The following TAF4B variants were observed in gnomAD, a reference collection of about 807,000 sequenced individuals.
TAF4B encodes TATA-box binding protein associated factor 4b.
TAF4B carries 38 observed loss-of-function variants against 86.4 expected under a neutral mutation model. The ratio of observed to expected loss-of-function variants is 0.44; its 90% confidence interval spans 0.34 to 0.58. The LOEUF is 0.58. Ranked by LOEUF, TAF4B falls within the 20% of genes least tolerant of loss-of-function variation. TAF4B has a pLI of 0.02. For missense variants in TAF4B, 988 were observed against 1,027.6 expected, an observed-to-expected ratio of 0.96 and a Z score of 0.53; for synonymous variants, 388 against 391.2, an observed-to-expected ratio of 0.99 and a Z score of 0.10.
At chr18:26,311,491 A>T (rs1415588513) in intron 9 of TAF4B, among the ~76,000 whole-genome samples, 1 of 152,018 alleles carries the variant, frequency 6.6e-6, no homozygotes, top group Non-Finnish European at 1.5e-5. Flanking sequence ...TACAAAAATT[A>T]GCCAGGCGTG....
intron 2 of TAF4B, 60 bp from the exon 3 acceptor site, chr18:26,267,456 C>A: frequency 1.8e-6 from 2 of 1,136,086 alleles, no homozygotes; most frequent in Non-Finnish European, 2.7e-6. Context: ...CACTGCAGTA[C>A]TGATCTTAAA....
At position 26,390,249 on chromosome 18, in the gene TAF4B, A is replaced by G. The variant is rs1440107866; in HGVS notation, c.*237A>G. On this transcript the variant is annotated 3_prime_UTR_variant, in exon 15 of 15. Transcript: ENST00000269142. ...AAATACACTTTGCACAGAATTAGGC[A>G]TCTGCCTATCTGTGCATTAAATTAA... 2 of 399,390 alleles carry G rather than the reference A, an allele frequency of 5.0e-6. No homozygotes were observed. The highest frequency in any genetic ancestry group is 2.1e-5 in the African/African-American group (1 of 48,480). The allele number at this position is 399,390 out of a possible 1,614,324, so 24.7% of individuals were successfully genotyped here.
rs1167569938 is a variant in TAF4B at position 26,285,224 on chromosome 18, T to TTTTTTTTTTTGTTTTTTTTTTTTTTG, written c.973-648_973-647insGTTTTTTTTTTTTTTGTTTTTTTTTT. Among the ~76,000 whole-genome samples the TTTTTTTTTTTGTTTTTTTTTTTTTTG allele has an allele frequency of 1.8e-3, 218 of 122,770 alleles. 35 individuals carry two copies. Among genetic ancestry groups the TTTTTTTTTTTGTTTTTTTTTTTTTTG allele is most frequent in the Non-Finnish European group, 3.1e-3 (169 of 55,374 alleles). The allele number at this position is 122,770 out of a possible 152,430, so 80.5% of individuals were successfully genotyped here. The stretch of plus-strand genomic sequence containing the variant: ...TTCTTCCTTTCCTTTTTTTTTTTGT[T>TTTTTTTTTTTGTTTTTTTTTTTTTTG]TTTTTTTTTTTTGGAGATGGGGTCT... On this transcript the variant is annotated intron_variant, in intron 6 of 14. Transcript: ENST00000269142.
chr18:26,301,451 T>C, intron 9 of TAF4B, among the ~76,000 whole-genome samples: 1 of 152,080 alleles, frequency 6.6e-6, no homozygotes, highest in East Asian at 1.9e-4. Context: ...TATGCCTAGC[T>C]AGCTTTTTTT....
chr18:26,272,802 G>A (rs867879166), intron 3 of TAF4B, among the ~76,000 whole-genome samples: 21 of 152,208 alleles, frequency 1.4e-4, no homozygotes, highest in Middle Eastern at 3.4e-3. Context: ...ATCTCCACAA[G>A]AATTCAGAAG....
chr18:26,228,825 G>A (rs554023019), intron 1 of TAF4B, among the ~76,000 whole-genome samples: 20 of 152,198 alleles, frequency 1.3e-4, no homozygotes, highest in African/African-American at 4.3e-4. Flanking sequence ...TTGCTGGTAA[G>A]TGAGAGTGAA....
chr18:26,336,542 C>T (rs1324488856), intron 13 of TAF4B, among the ~76,000 whole-genome samples: 2 of 151,832 alleles, frequency 1.3e-5, no homozygotes, highest in African/African-American at 4.8e-5. Context: ...AGGGAGAACA[C>T]TTTAAAAAAA....
In TAF4B at chr18:26,315,146, GTCTCTCTCTC is replaced by G. The variant is rs1212422063; in HGVS notation, c.1833-76_1833-67del. 1.3e-3 allele frequency: 198 copies of G among 152,002 alleles called. 1 individual carries two copies. The highest frequency in any genetic ancestry group is 2.2e-3 in the Middle Eastern group (1 of 462). The allele number at this position is 152,002 out of a possible 1,614,324, so 9.4% of individuals were successfully genotyped here. ...TCTCTCTCTCTCTCTCTCTCTCTCTGTCTCTCTCTCTCTCTCACACACACACACACACACA... is the reference window on the plus strand; with the variant it reads ...TCTCTCTCTCTCTCTCTCTCTCTCTGTCTCTCACACACACACACACACACA... On this transcript the variant is annotated intron_variant, in intron 9 of 14. Coordinates refer to ENST00000269142, the MANE Select transcript of TAF4B (RefSeq NM_005640.3).
At chr18:26,315,136 C>CTCTCTCTCTCTG (rs2144664728) in intron 9 of TAF4B, 93 bp from the exon 10 acceptor site, 2 of 310,510 alleles carry the variant, frequency 6.4e-6, no homozygotes, top group East Asian at 1.1e-4. Context: ...CTCTCTCTCT[C>CTCTCTCTCTCTG]TCTCTCTCTG....
At chr18:26,301,292 GTTT>G (rs373495502) in intron 9 of TAF4B, among the ~76,000 whole-genome samples, 4 of 143,332 alleles carry the variant, frequency 2.8e-5, no homozygotes, top group Non-Finnish European at 6.1e-5. Flanking sequence ...TGTTGTTGTT[GTTT>G]TTTTTTTTTT....
intron 12 of TAF4B, among the ~76,000 whole-genome samples, chr18:26,331,465 C>A (rs552787208): frequency 0.021 from 3,228 of 152,148 alleles, 95 homozygotes; most frequent in African/African-American, 0.073. Context: ...GGACTCATAC[C>A]ATTAACTCCC....
chr18:26,283,388 G>A (rs886552348), intron 6 of TAF4B, among the ~76,000 whole-genome samples: 1 of 152,078 alleles, frequency 6.6e-6, no homozygotes, highest in African/African-American at 2.4e-5. Context: ...TCTGGGTGAC[G>A]AGGTGTATTG....
At chr18:26,232,151 C>T (rs927606501) in intron 1 of TAF4B, among the ~76,000 whole-genome samples, 5 of 152,172 alleles carry the variant, frequency 3.3e-5, no homozygotes, top group Admixed American at 6.5e-5. Flanking sequence ...ACAATCCTCT[C>T]GTAAGACAGA....
intron 11 of TAF4B, among the ~76,000 whole-genome samples, chr18:26,325,905 A>T (rs1226399095): frequency 2.0e-5 from 3 of 152,208 alleles, no homozygotes; most frequent in Non-Finnish European, 2.9e-5. Flanking sequence ...GATCTAGTTA[A>T]ATACCAACAA....
In TAF4B at chr18:26,335,168, T is replaced by C. The variant is rs1459312333; in HGVS notation, c.2260-7T>C. 3.1e-6 allele frequency: 5 copies of C among 1,609,898 alleles called. No individual in the cohort carries two copies. The highest frequency in any genetic ancestry group is 1.7e-4 in the Middle Eastern group (1 of 6,060). Reference sequence around the variant, plus strand: ...ATTTCTATTAAAATTTTCTTTTCCTTTGATAGAGTCGTTCTAATAAAGAAG... The same window carrying C: ...ATTTCTATTAAAATTTTCTTTTCCTCTGATAGAGTCGTTCTAATAAAGAAG... On this transcript the variant is annotated splice_polypyrimidine_tract_variant and splice_region_variant and intron_variant, in intron 12 of 14. Coordinates refer to ENST00000269142, the MANE Select transcript of TAF4B (RefSeq NM_005640.3).
At chr18:26,276,638 G>C (rs1277510135) in intron 5 of TAF4B, among the ~76,000 whole-genome samples, 3 of 152,164 alleles carry the variant, frequency 2.0e-5, no homozygotes, top group Non-Finnish European at 4.4e-5. Flanking sequence ...CATTTGGGAA[G>C]ATGTTTTTAT....
At chr18:26,342,066 A>G (rs1324875046) in intron 13 of TAF4B, among the ~76,000 whole-genome samples, 1 of 152,162 alleles carries the variant, frequency 6.6e-6, no homozygotes, top group Non-Finnish European at 1.5e-5. Flanking sequence ...TTAAATTTTT[A>G]CTATTTAAAA....
intron 13 of TAF4B, among the ~76,000 whole-genome samples, chr18:26,346,685 G>A (rs2144715551): frequency 7.0e-6 from 1 of 143,008 alleles, no homozygotes; most frequent in East Asian, 2.1e-4. Flanking sequence ...GAGAGAATGG[G>A]ATAATATATT....
At chr18:26,368,405 C>CTAA (rs1276440676) in intron 14 of TAF4B, among the ~76,000 whole-genome samples, 1 of 152,170 alleles carries the variant, frequency 6.6e-6, no homozygotes, top group Non-Finnish European at 1.5e-5. Flanking sequence ...GTTGCTGTTA[C>CTAA]AGGTGATTCT....
Sources: gnomAD v4.1 joint callset for allele counts (sites outside exome capture counted in the v4.1 genomes callset) on GRCh38, gnomAD v4.1.1 for gene constraint, MANE v1.5 for transcripts, NCBI Gene and HGNC (gene_info 2026-07-23, HGNC 2026-07-21) for gene names.